The following MIPOL1 variants were observed in gnomAD, a reference collection of about 807,000 sequenced individuals.
MIPOL1 encodes the protein mirror-image polydactyly gene 1 protein.
In MIPOL1, 57 loss-of-function variants were observed where a neutral mutation model predicts 60.9. That is an observed-to-expected ratio of 0.94 (90% CI 0.76 to 1.17). The LOEUF (loss-of-function observed/expected upper bound fraction) is 1.17. Among genes scored for constraint, MIPOL1 ranks in the 50% most tolerant of loss-of-function variants. MIPOL1 has a pLI of 0.00. For synonymous variants in MIPOL1, 179 were observed against 168.8 expected, an observed-to-expected ratio of 1.06 and a Z score of -0.47; for missense variants, 551 against 511.6, an observed-to-expected ratio of 1.08 and a Z score of -0.74.
chr14:37,467,297 C>A (rs548504506), intron 11 of MIPOL1, among the ~76,000 whole-genome samples: 1 of 152,132 alleles, frequency 6.6e-6, no homozygotes, highest in East Asian at 1.9e-4. Flanking sequence ...AAATAAATAA[C>A]AACTTGGTTT....
chr14:37,381,966 A>G (rs796909138), intron 10 of MIPOL1, among the ~76,000 whole-genome samples: 4 of 152,162 alleles, frequency 2.6e-5, no homozygotes, highest in African/African-American at 9.6e-5. Context: ...AGTAAGGACA[A>G]AATAGTTCCT....
Position 37,416,121 on chromosome 14 carries a change from C to A in MIPOL1, c.937-6734C>A, listed in dbSNP as rs556579052. On this transcript the variant is annotated intron_variant, in intron 10 of 12. Transcript: ENST00000684589. ...ATAATATAGTATAAGTCTTATACGT[C>A]ACACATCACTATACATATTTAAAGT... Among the ~76,000 whole-genome samples, 3 of 152,296 alleles carry A rather than the reference C, an allele frequency of 2.0e-5. No homozygotes were observed. In the South Asian group the frequency reaches 6.2e-4, roughly 32 times the overall value.
At chr14:37,236,447 T>C (rs763955350) in intron 1 of MIPOL1, among the ~76,000 whole-genome samples, 26 of 151,824 alleles carry the variant, frequency 1.7e-4, no homozygotes, top group Admixed American at 4.6e-4. Context: ...TTCTAAATTA[T>C]TATTATTATT....
chr14:37,539,156 C>T (rs548414248), intron 12 of MIPOL1, among the ~76,000 whole-genome samples: 3 of 151,990 alleles, frequency 2.0e-5, no homozygotes, highest in Non-Finnish European at 2.9e-5. Flanking sequence ...GAGCCGAGAT[C>T]GTGCCACTGC....
chr14:37,546,801 G>A, intron 12 of MIPOL1, 104 bp from the exon 13 acceptor site: 2 of 844,016 alleles, frequency 2.4e-6, no homozygotes, highest in Non-Finnish European at 3.9e-6. Context: ...TGACCGTGAG[G>A]ACTGCTTGGT....
intron 11 of MIPOL1, among the ~76,000 whole-genome samples, chr14:37,470,236 A>G (rs2094663236): frequency 6.6e-6 from 1 of 152,168 alleles, no homozygotes; most frequent in Admixed American, 6.6e-5. Context: ...TCTGTTGCTT[A>G]GGATAGAAAT....
intron 11 of MIPOL1, among the ~76,000 whole-genome samples, chr14:37,445,647 G>C (rs1301169747): frequency 2.0e-5 from 3 of 151,784 alleles, no homozygotes; most frequent in African/African-American, 7.2e-5. Context: ...AAAGCTGGAG[G>C]CATCACACTA....
intron 11 of MIPOL1, among the ~76,000 whole-genome samples, chr14:37,475,163 C>T (rs1053672453): frequency 1.3e-5 from 2 of 152,046 alleles, no homozygotes; most frequent in Non-Finnish European, 2.9e-5. Flanking sequence ...CAGGGTTTCA[C>T]CATGTGGGCC....
At chr14:37,453,184 G>A (rs150483169) in intron 11 of MIPOL1, among the ~76,000 whole-genome samples, 52 of 152,136 alleles carry the variant, frequency 3.4e-4, no homozygotes, top group African/African-American at 9.4e-4. Context: ...ATGATAGGCC[G>A]TTATATTGTT....
intron 12 of MIPOL1, chr14:37,502,786 G>A (rs1220007894): frequency 6.6e-6 from 1 of 152,234 alleles, no homozygotes; most frequent in Non-Finnish European, 1.5e-5. Context: ...TGAGTTGGCA[G>A]AAGTAGGCTT....
At chr14:37,417,422 G>T (rs1470593834) in intron 10 of MIPOL1, among the ~76,000 whole-genome samples, 3 of 152,088 alleles carry the variant, frequency 2.0e-5, no homozygotes, top group Non-Finnish European at 4.4e-5. Flanking sequence ...ATGACATCAG[G>T]ACAAAATAGA....
At chr14:37,460,996 AAAAATACTCCT>A (rs1206763499) in intron 11 of MIPOL1, among the ~76,000 whole-genome samples, 1 of 152,228 alleles carries the variant, frequency 6.6e-6, no homozygotes, top group Non-Finnish European at 1.5e-5. Context: ...AGAATTAGAA[AAAAATACTCCT>A]AAAATTCACT....
At chr14:37,228,532 G>A (rs549072956) in intron 1 of MIPOL1, among the ~76,000 whole-genome samples, 2 of 151,996 alleles carry the variant, frequency 1.3e-5, no homozygotes, top group East Asian at 3.9e-4. Context: ...TTTATTGCTA[G>A]GGTCTAGGGA....
At chr14:37,398,766 C>T (rs190118430) in intron 10 of MIPOL1, among the ~76,000 whole-genome samples, 39 of 152,226 alleles carry the variant, frequency 2.6e-4, no homozygotes, top group African/African-American at 8.7e-4. Context: ...AAGATCTTTT[C>T]GTTTTTCTTT....
At chr14:37,496,407 GTC>G (rs1257054203) in intron 11 of MIPOL1, among the ~76,000 whole-genome samples, 4 of 146,826 alleles carry the variant, frequency 2.7e-5, no homozygotes, top group Non-Finnish European at 4.5e-5. Flanking sequence ...AAACCCCATT[GTC>G]TCAGCCCAAA....
intron 10 of MIPOL1, among the ~76,000 whole-genome samples, chr14:37,371,478 A>T (rs1566461262): frequency 2.7e-5 from 4 of 150,460 alleles, no homozygotes; most frequent in East Asian, 3.9e-4. Flanking sequence ...CTAGTTGCTC[A>T]TTTTTTTTTG....
intron 12 of MIPOL1, among the ~76,000 whole-genome samples, chr14:37,512,997 GC>G (rs1365925158): frequency 1.3e-5 from 2 of 152,014 alleles, no homozygotes; most frequent in Non-Finnish European, 2.9e-5. Context: ...ATCAACAAAT[GC>G]CCTCCCTAAT....
chr14:37,243,974 T>A (rs757018560), intron 1 of MIPOL1, among the ~76,000 whole-genome samples: 3 of 152,036 alleles, frequency 2.0e-5, no homozygotes, highest in Non-Finnish European at 2.9e-5. Flanking sequence ...CAACCTTCTT[T>A]TTTTTGGTGA....
In MIPOL1 at chr14:37,524,559, C is replaced by CTTT. The variant is rs1171387928; in HGVS notation, c.1263-22343_1263-22341dup. On this transcript the variant is annotated intron_variant, in intron 12 of 12. Transcript: ENST00000684589. Reference sequence around the variant, plus strand: ...TGTTCTTCTTGACATCTTAATTTTTCTTTTTCTTTTCTTTTTTTTTTTTTT... The same window carrying CTTT: ...TGTTCTTCTTGACATCTTAATTTTTCTTTTTTTTCTTTTCTTTTTTTTTTTTTT... Among the ~76,000 whole-genome samples, 24 of 18,512 alleles carry CTTT rather than the reference C, an allele frequency of 1.3e-3. 5 individuals are homozygous for CTTT. The highest frequency in any genetic ancestry group is 3.9e-3 in the African/African-American group (10 of 2,580). The allele number at this position is 18,512 out of a possible 152,430, so 12.1% of individuals were successfully genotyped here.
Sources: gnomAD v4.1 joint callset for allele counts (sites outside exome capture counted in the v4.1 genomes callset) on GRCh38, gnomAD v4.1.1 for gene constraint, MANE v1.5 for transcripts, NCBI Gene and HGNC (gene_info 2026-07-23, HGNC 2026-07-21) for gene names.